SMIM14: variants seen among roughly 807,000 people sequenced by gnomAD.
SMIM14 encodes the protein chromosome 4 open reading frame 34.
SMIM14 carries 5 observed loss-of-function variants against 12.6 expected under a neutral mutation model. The ratio of observed to expected loss-of-function variants is 0.40; its 90% CI spans 0.21 to 0.83. The LOEUF (loss-of-function observed/expected upper bound fraction) is 0.83. Among genes scored for constraint, SMIM14 ranks in the 40% least tolerant of loss-of-function variants. The probability of loss-of-function intolerance (pLI) is 0.37; values close to 1 mark genes in which losing one functional copy is unlikely to be tolerated. For synonymous variants in SMIM14, 30 were observed against 40.1 expected (o/e 0.75, Z 0.95); for missense variants, 86 against 119.1 (o/e 0.72, Z 1.29).
rs186091404 is a variant in SMIM14, at chr4:39,588,757, T to C, written c.76-16294A>G. ...TAAAAGCTAAGTATGGGGAAAGGAGTTCAGCCTTACTTTTAATGTATTGAT... is the reference window on the plus strand; with the variant it reads ...TAAAAGCTAAGTATGGGGAAAGGAGCTCAGCCTTACTTTTAATGTATTGAT... On this transcript the variant is annotated intron_variant, in intron 2 of 4. Coordinates refer to ENST00000295958, the MANE Select transcript of SMIM14 (RefSeq NM_174921.3). Among the ~76,000 whole-genome samples, 80 of 151,862 alleles carry C rather than the reference T, an allele frequency of 5.3e-4. 2 individuals carry two copies. The highest frequency in any genetic ancestry group is 1.9e-3 in the African/African-American group (80 of 41,492).
chr4:39,620,864 A>G (rs1190073293), intron 1 of SMIM14: 2 of 152,260 alleles, frequency 1.3e-5, no homozygotes, highest in Admixed American at 1.3e-4. Context: ...ACACACATAC[A>G]TAATTACAAC....
intron 1 of SMIM14, among the ~76,000 whole-genome samples, chr4:39,612,608 T>C (rs1306337301): frequency 6.6e-6 from 1 of 152,230 alleles, no homozygotes; most frequent in East Asian, 1.9e-4. Context: ...TTTCTTATTT[T>C]TTAAAAATTT....
intron 1 of SMIM14, among the ~76,000 whole-genome samples, chr4:39,622,230 C>G (rs1474200496): frequency 4.1e-5 from 6 of 147,040 alleles, no homozygotes; most frequent in African/African-American, 1.5e-4. Flanking sequence ...ACTACAGGCA[C>G]CCGCCATCGT....
At chr4:39,556,387 A>G (rs1016036838) in intron 4 of SMIM14, 41 bp downstream of exon 4, 26 of 1,585,054 alleles carry the variant, frequency 1.6e-5, no homozygotes, top group Admixed American at 3.7e-5. Flanking sequence ...GGCCACATAC[A>G]TTCCCTTACC....
intron 2 of SMIM14, among the ~76,000 whole-genome samples, chr4:39,585,317 A>G (rs932250848): frequency 2.6e-5 from 4 of 151,372 alleles, no homozygotes; most frequent in African/African-American, 9.8e-5. Flanking sequence ...ATTATTAGAG[A>G]CAGAGTTTTG....
At chr4:39,585,748 G>C (rs1290216445) in intron 2 of SMIM14, among the ~76,000 whole-genome samples, 1 of 152,002 alleles carries the variant, frequency 6.6e-6, no homozygotes, top group Non-Finnish European at 1.5e-5. Context: ...GTCCTGCAAG[G>C]CTCCAGGTAG....
chr4:39,633,955 C>G (rs537056432), intron 1 of SMIM14, among the ~76,000 whole-genome samples: 5 of 152,170 alleles, frequency 3.3e-5, no homozygotes, highest in Admixed American at 2.0e-4. Flanking sequence ...TGTTTTGAGA[C>G]GGAGTCTCGC....
At chr4:39,554,654 CTTTTTTTTTT>C (rs111326390) in intron 4 of SMIM14, among the ~76,000 whole-genome samples, 2 of 95,194 alleles carry the variant, frequency 2.1e-5, no homozygotes, top group African/African-American at 7.8e-5. Flanking sequence ...GGAAATTTTC[CTTTTTTTTTT>C]TTTTTTTTTT....
At chr4:39,552,424 G>A (rs1157109532) in intron 4 of SMIM14, among the ~76,000 whole-genome samples, 1 of 152,080 alleles carries the variant, frequency 6.6e-6, no homozygotes, top group African/African-American at 2.4e-5. Flanking sequence ...CTGTAGAATG[G>A]AAGAGAGAGG....
intron 1 of SMIM14, among the ~76,000 whole-genome samples, chr4:39,624,364 C>T (rs1715610968): frequency 6.6e-6 from 1 of 152,044 alleles, no homozygotes; most frequent in Admixed American, 6.6e-5. Flanking sequence ...ACTATGATCG[C>T]ACATCTAGTA....
At chr4:39,634,575 C>G (rs1213195469) in intron 1 of SMIM14, among the ~76,000 whole-genome samples, 1 of 151,878 alleles carries the variant, frequency 6.6e-6, no homozygotes, top group Non-Finnish European at 1.5e-5. Context: ...AGTAGTGTTC[C>G]CAAAAAATGG....
At chr4:39,585,543 C>T (rs4339227) in intron 2 of SMIM14, among the ~76,000 whole-genome samples, 88,771 of 151,830 alleles carry the variant, frequency 0.58, 29,780 homozygotes, top group Middle Eastern at 0.81. Flanking sequence ...GTGATCTGCC[C>T]GCCTTGGCCT....
intron 3 of SMIM14, among the ~76,000 whole-genome samples, chr4:39,560,138 C>G (rs1002641829): frequency 5.9e-5 from 9 of 151,868 alleles, no homozygotes; most frequent in African/African-American, 2.2e-4. Flanking sequence ...TAAACAAAAA[C>G]AAAAACAAAC....
In SMIM14 at chr4:39,566,379, A is replaced by T. The variant is rs569649564; in HGVS notation, c.124+6036T>A. Among the ~76,000 whole-genome samples, 3 of 152,270 alleles carry T rather than the reference A, an allele frequency of 2.0e-5. No individual in the cohort carries two copies. The East Asian group carries it at 5.8e-4, about 29-fold the overall frequency. ...CAGTGGAAATGCCCAAAAGACAGTC[A>T]TCAGCATACAAGTAATGAGTCATGA... On this transcript the variant is annotated intron_variant, in intron 3 of 4. Transcript: ENST00000295958.
At chr4:39,599,239 C>T (rs1052953650) in intron 2 of SMIM14, among the ~76,000 whole-genome samples, 2 of 152,054 alleles carry the variant, frequency 1.3e-5, no homozygotes, top group Non-Finnish European at 2.9e-5. Context: ...TTTCCAGGAA[C>T]AGCAAGGGGG....
At chr4:39,559,326 T>C (rs1236615707) in intron 3 of SMIM14, among the ~76,000 whole-genome samples, 2 of 150,774 alleles carry the variant, frequency 1.3e-5, no homozygotes, top group Non-Finnish European at 3.0e-5. Context: ...AAGGCAGAGG[T>C]TGTAGTGAGC....
intron 3 of SMIM14, among the ~76,000 whole-genome samples, chr4:39,569,829 T>C (rs939750099): frequency 3.3e-5 from 5 of 152,212 alleles, no homozygotes; most frequent in Non-Finnish European, 5.9e-5. Flanking sequence ...TCTATTCCCC[T>C]CTTTTCTGCC....
chr4:39,572,277 C>CTTTTTTTT (rs71192876), intron 3 of SMIM14, 138 bp downstream of exon 3: 6 of 210,694 alleles, frequency 2.8e-5, no homozygotes, highest in African/African-American at 5.4e-5. Flanking sequence ...GTATGTGTCG[C>CTTTTTTTT]TTTTTTTTTT....
At chr4:39,574,151 G>A (rs927146537) in intron 2 of SMIM14, among the ~76,000 whole-genome samples, 4 of 151,690 alleles carry the variant, frequency 2.6e-5, no homozygotes, top group Admixed American at 1.3e-4. Context: ...GTTTGGGACG[G>A]CAACTATGGT....
Sources: gnomAD v4.1 joint callset for allele counts (sites outside exome capture counted in the v4.1 genomes callset) on GRCh38, gnomAD v4.1.1 for gene constraint, MANE v1.5 for transcripts, NCBI Gene and HGNC (gene_info 2026-07-23, HGNC 2026-07-21) for gene names.